ADGRE3: variants seen among roughly 807,000 people sequenced by gnomAD.
ADGRE3 encodes adhesion G protein-coupled receptor E3, also known as EGF-like module receptor 3.
Under a neutral mutation model 80.1 loss-of-function variants are expected in ADGRE3, and 88 were observed. The observed-to-expected ratio is 1.10, with a 90% CI of 0.93 to 1.31. The LOEUF is 1.31. ADGRE3 is among the 40% of genes most tolerant of loss of function. ADGRE3 has a pLI of 0.00. For missense variants in ADGRE3, 715 were observed against 776.5 expected (o/e 0.92, Z 0.94); for synonymous variants, 281 against 294.8 (o/e 0.95, Z 0.48).
chr19:14,655,236 A>C, intron 5 of ADGRE3, 71 bp from the exon 6 acceptor site: 1 of 1,290,108 alleles, frequency 7.8e-7, no homozygotes, highest in Non-Finnish European at 1.1e-6. Flanking sequence ...AAAGAACAGT[A>C]GAAAGCATGA....
chr19:14,619,803 G>A (rs1970483854), intron 15 of ADGRE3, among the ~76,000 whole-genome samples: 1 of 152,122 alleles, frequency 6.6e-6, no homozygotes, highest in African/African-American at 2.4e-5. Context: ...TTGAATGCCT[G>A]TTATCTAACA....
At position 14,619,336 on chromosome 19, in the gene ADGRE3, A is replaced by G. The variant is rs1599595270; in HGVS notation, c.*97T>C. The G allele has an allele frequency of 4.4e-6, 4 of 919,128 alleles. No homozygotes were observed. The highest frequency in any genetic ancestry group is 4.8e-5 in the East Asian group (2 of 41,682). 56.9% of individuals were successfully genotyped at this position (919,128 alleles called of 1,614,324 possible). On this transcript the variant is annotated 3_prime_UTR_variant, in exon 16 of 16. Transcript: ENST00000253673. ...GTTGATTACTTCCTCTCCAAGGATG[A>G]TATGTTTAATGAATTCCCTTTTCCT...
intron 9 of ADGRE3, 151 bp downstream of exon 9, chr19:14,643,957 C>T (rs1386955136): frequency 8.1e-5 from 36 of 445,690 alleles, no homozygotes; most frequent in Admixed American, 8.0e-4. Flanking sequence ...GTGATCTGCC[C>T]GTCTTGGCCT....
At chr19:14,608,634 T>TC in the ADGRE3 span, among the ~76,000 whole-genome samples, 2 of 131,496 alleles carry the variant, frequency 1.5e-5, no homozygotes, top group African/African-American at 3.0e-5. Flanking sequence ...AAGAATTTTT[T>TC]TTTTTTTTTT....
chr19:14,632,016 G>A (rs1051653313), intron 13 of ADGRE3, among the ~76,000 whole-genome samples: 2 of 152,128 alleles, frequency 1.3e-5, no homozygotes, highest in Non-Finnish European at 2.9e-5. Context: ...AATGGATGCT[G>A]CAACATAAAA....
chr19:14,629,484 T>G (rs542547575), intron 14 of ADGRE3, among the ~76,000 whole-genome samples: 1 of 152,278 alleles, frequency 6.6e-6, no homozygotes, highest in East Asian at 1.9e-4. Flanking sequence ...GGGATATTAG[T>G]AGAGGAAGAA....
At chr19:14,634,207 T>G (rs1454582546) in intron 11 of ADGRE3, among the ~76,000 whole-genome samples, 2 of 152,194 alleles carry the variant, frequency 1.3e-5, no homozygotes, top group Admixed American at 6.5e-5. Flanking sequence ...TTAACAAACT[T>G]GTCTTATTTT....
intron 5 of ADGRE3, among the ~76,000 whole-genome samples, chr19:14,656,353 C>CAAAAA (rs747939718): frequency 1.2e-5 from 1 of 82,404 alleles, no homozygotes; most frequent in Non-Finnish European, 2.4e-5. Context: ...GACTCCATCT[C>CAAAAA]AAAAAAAAAA....
At chr19:14,624,573 A>G (rs377723360) in intron 15 of ADGRE3, among the ~76,000 whole-genome samples, 1 of 151,804 alleles carries the variant, frequency 6.6e-6, no homozygotes, top group Non-Finnish European at 1.5e-5. Flanking sequence ...TGGGCAACAT[A>G]GGGAGACTCC....
In ADGRE3 at chr19:14,668,853, C is replaced by T; in HGVS notation, c.26-1G>A. On this transcript the variant is annotated splice_acceptor_variant, in intron 1 of 15. Coordinates refer to ENST00000253673, the MANE Select transcript of ADGRE3 (RefSeq NM_032571.5). LOFTEE classifies it high-confidence loss of function. ...AAGAGGCTCAGCAGAAAGCAGAGGC[C>T]TGGAATAGATGGGAAACAGAAGGGA... is the stretch of plus-strand genomic sequence containing the variant. 6.2e-7 allele frequency: 1 copy of T among 1,613,880 alleles called. No homozygotes were observed. Among genetic ancestry groups the T allele is most frequent in the Non-Finnish European group, 8.5e-7 (1 of 1,179,908 alleles).
intron 15 of ADGRE3, among the ~76,000 whole-genome samples, chr19:14,623,616 T>G (rs2146797412): frequency 6.6e-6 from 1 of 152,316 alleles, no homozygotes; most frequent in Admixed American, 6.5e-5. Flanking sequence ...TCTGCAATTA[T>G]GCAGAGCAGC....
chr19:14,612,030 A>G, the ADGRE3 span, among the ~76,000 whole-genome samples: 43 of 152,024 alleles, frequency 2.8e-4, no homozygotes, highest in Non-Finnish European at 1.5e-5. Flanking sequence ...ATAAAAATTC[A>G]CTTTACTTCT....
At chr19:14,668,610 A>G (rs1472370202) in intron 2 of ADGRE3, 192 bp downstream of exon 2, 2 of 546,934 alleles carry the variant, frequency 3.7e-6, no homozygotes, top group East Asian at 5.9e-5. Flanking sequence ...AAATCAAACA[A>G]AACGATAAAT....
At chr19:14,607,500 G>T in the ADGRE3 span, among the ~76,000 whole-genome samples, 1 of 151,042 alleles carries the variant, frequency 6.6e-6, no homozygotes, top group Admixed American at 6.6e-5. Flanking sequence ...ACCGCGCCCG[G>T]CCAGGAGCTG....
At chr19:14,658,476 T>C in intron 5 of ADGRE3, 37 bp downstream of exon 5, 1 of 1,493,390 alleles carries the variant, frequency 6.7e-7, no homozygotes, top group South Asian at 1.4e-5. Context: ...CTGATGTTTG[T>C]TACCTGGGAA....
chr19:14,670,229 T>C lies in ADGRE3; in HGVS notation c.26-1377A>G, dbSNP rs1046591550. On this transcript the variant is annotated intron_variant, in intron 1 of 15. Transcript: ENST00000253673. Reference sequence around the variant, plus strand: ...ACTAGCTGGGCATTGTCCCTTCACCTGTTGTCTCAGGGTGTTGGGCTTGTT... The same window carrying C: ...ACTAGCTGGGCATTGTCCCTTCACCCGTTGTCTCAGGGTGTTGGGCTTGTT... 9.2e-5 allele frequency among the ~76,000 whole-genome samples: 14 copies of C among 152,194 alleles called. 1 individual carries two copies. Among genetic ancestry groups the C allele is most frequent in the Non-Finnish European group, 1.6e-4 (11 of 68,030 alleles).
chr19:14,634,232 AAAC>A (rs537308287), intron 11 of ADGRE3, among the ~76,000 whole-genome samples: 82 of 152,306 alleles, frequency 5.4e-4, no homozygotes, highest in African/African-American at 2.0e-3. Context: ...ATTAAAATGA[AAAC>A]AACAAATTAC....
Position 14,633,268 on chromosome 19 carries a change from T to G in ADGRE3, c.1519A>C (p.Ser507Arg). The change falls in exon 12 of 16, where the codon AGT becomes CGT. Residue 507 changes from serine (S) to arginine (R), a missense_variant. Physicochemically the swap from Ser to Arg is moderately radical, Grantham distance 110. Coordinates refer to ENST00000253673, the MANE Select transcript of ADGRE3 (RefSeq NM_032571.5). Reference protein sequence around the residue: ...WLHLDQGFMWSFLGPVCAIFS... With the variant: ...WLHLDQGFMWRFLGPVCAIFS... ...ATGGCACAGACTGGGCCAAGGAAACTCCACATGAATCCCTGGTCCAGGTGG... is the reference window on the plus strand; with the variant it reads ...ATGGCACAGACTGGGCCAAGGAAACGCCACATGAATCCCTGGTCCAGGTGG... 1.2e-6 allele frequency: 2 copies of G among 1,612,258 alleles called. No homozygotes were observed. Among genetic ancestry groups the G allele is most frequent in the Non-Finnish European group, 1.7e-6 (2 of 1,179,086 alleles).
At chr19:14,612,579 C>T in the ADGRE3 span, among the ~76,000 whole-genome samples, 3 of 152,152 alleles carry the variant, frequency 2.0e-5, no homozygotes, top group East Asian at 1.9e-4. Flanking sequence ...AAGCAATCTG[C>T]CCACCTTGGT....
Sources: gnomAD v4.1 joint callset for allele counts (sites outside exome capture counted in the v4.1 genomes callset) on GRCh38, gnomAD v4.1.1 for gene constraint, MANE v1.5 for transcripts, NCBI Gene and HGNC (gene_info 2026-07-23, HGNC 2026-07-21) for gene names.